Variants in ACVR1 observed in about 807,000 individuals in gnomAD.
ACVR1 encodes activin receptor type-1.
ACVR1 carries 38 observed loss-of-function variants against 57.1 expected under a neutral mutation model. That is an observed-to-expected ratio of 0.67 (90% CI 0.51 to 0.87). The LOEUF (loss-of-function observed/expected upper bound fraction) is 0.87. Among genes scored for constraint, ACVR1 ranks in the 40% least tolerant of loss-of-function variants. The probability of loss-of-function intolerance (pLI) is 0.00; values close to 1 mark genes in which losing one functional copy is unlikely to be tolerated. For synonymous variants in ACVR1, 212 were observed against 228.1 expected, an observed-to-expected ratio of 0.93 and a Z score of 0.63; for missense variants, 463 against 638.2, an observed-to-expected ratio of 0.73 and a Z score of 2.96.
chr2:157,749,078 T>G (rs1487458453), intron 9 of ACVR1, among the ~76,000 whole-genome samples: 1 of 152,248 alleles, frequency 6.6e-6, no homozygotes, highest in Non-Finnish European at 1.5e-5. Flanking sequence ...TTCAGACACA[T>G]GCTCTGTGAA....
intron 1 of ACVR1, among the ~76,000 whole-genome samples, chr2:157,855,319 TATATAC>T (rs1689487491): frequency 1.0e-5 from 1 of 99,152 alleles, no homozygotes; most frequent in Non-Finnish European, 2.0e-5. Context: ...TATATATATA[TATATAC>T]ACACACACAC....
chr2:157,794,989 T>G (rs1174881979), intron 3 of ACVR1, among the ~76,000 whole-genome samples: 2 of 152,074 alleles, frequency 1.3e-5, no homozygotes, highest in South Asian at 4.1e-4. Context: ...AAAGTTTTTT[T>G]TTTTTAAATA....
At chr2:157,745,775 A>G (rs1444402623) in intron 9 of ACVR1, among the ~76,000 whole-genome samples, 9 of 152,214 alleles carry the variant, frequency 5.9e-5, no homozygotes, top group Admixed American at 5.9e-4. Flanking sequence ...AACGTCATGA[A>G]ACATGTTGGA....
At chr2:157,804,086 T>G (rs760527306) in intron 2 of ACVR1, among the ~76,000 whole-genome samples, 4 of 152,130 alleles carry the variant, frequency 2.6e-5, no homozygotes, top group Admixed American at 6.5e-5. Flanking sequence ...ATATAGAAAA[T>G]CCAGTATCAC....
intron 3 of ACVR1, 104 bp from the exon 4 acceptor site, chr2:157,780,704 GAA>G: frequency 7.2e-7 from 1 of 1,398,288 alleles, no homozygotes; most frequent in Non-Finnish European, 9.7e-7. Flanking sequence ...TCTATCAACA[GAA>G]AGTCAAGCTA....
intron 1 of ACVR1, among the ~76,000 whole-genome samples, chr2:157,854,033 T>G (rs1448633639): frequency 6.6e-6 from 1 of 152,210 alleles, no homozygotes; most frequent in Non-Finnish European, 1.5e-5. Flanking sequence ...CTGTAATCAC[T>G]GATTTACGTG....
intron 3 of ACVR1, among the ~76,000 whole-genome samples, chr2:157,791,106 G>A (rs1686892830): frequency 6.6e-6 from 1 of 152,138 alleles, no homozygotes; most frequent in Non-Finnish European, 1.5e-5. Context: ...CCCAAACCCA[G>A]CTCCATGTGG....
chr2:157,840,670 C>T (rs116069638), intron 1 of ACVR1, among the ~76,000 whole-genome samples: 1,634 of 152,302 alleles, frequency 0.011, 28 homozygotes, highest in African/African-American at 0.037. Flanking sequence ...CTCTGGTTAG[C>T]GAGTGGTCCA....
intron 4 of ACVR1, among the ~76,000 whole-genome samples, chr2:157,779,044 CA>C (rs1686405925): frequency 6.6e-6 from 1 of 152,186 alleles, no homozygotes; most frequent in Non-Finnish European, 1.5e-5. Context: ...AACAGCTTGG[CA>C]TACATCATAC....
intron 3 of ACVR1, among the ~76,000 whole-genome samples, chr2:157,784,078 C>T (rs180914806): frequency 6.2e-4 from 95 of 152,254 alleles, no homozygotes; most frequent in African/African-American, 1.8e-3. Flanking sequence ...TCTTAATATC[C>T]ACAATTCTAA....
chr2:157,872,610 A>G (rs761161773), intron 1 of ACVR1, among the ~76,000 whole-genome samples: 3 of 152,154 alleles, frequency 2.0e-5, no homozygotes, highest in Non-Finnish European at 4.4e-5. Context: ...ATAACAAACA[A>G]TGAGCTTGCT....
At chr2:157,761,543 G>T (rs1197155775) in intron 8 of ACVR1, among the ~76,000 whole-genome samples, 1 of 152,230 alleles carries the variant, frequency 6.6e-6, no homozygotes, top group Non-Finnish European at 1.5e-5. Context: ...ATAAAGGGCA[G>T]ATTGCTATAA....
At chr2:157,755,534 A>ACCG (rs1685390789) in intron 9 of ACVR1, among the ~76,000 whole-genome samples, 1 of 71,292 alleles carries the variant, frequency 1.4e-5, no homozygotes, top group African/African-American at 9.4e-5. Context: ...ATACCATACC[A>ACCG]TACCATACCA....
chr2:157,757,021 G>GATATATATATATATATATATATTTGATAT (rs1559039261), intron 9 of ACVR1, among the ~76,000 whole-genome samples: 16 of 106,408 alleles, frequency 1.5e-4, no homozygotes, highest in African/African-American at 7.9e-4. Context: ...ATATATATTT[G>GATATATATATATATATATATATTTGATAT]ATATATATAT....
chr2:157,775,621 G>A (rs891831332), intron 5 of ACVR1, among the ~76,000 whole-genome samples: 1 of 152,034 alleles, frequency 6.6e-6, no homozygotes, highest in Admixed American at 6.6e-5. Flanking sequence ...ACCACAAAAG[G>A]GATAATCAAC....
chr2:157,828,151 C>CA (rs945427968), intron 1 of ACVR1, among the ~76,000 whole-genome samples: 5 of 151,864 alleles, frequency 3.3e-5, no homozygotes, highest in African/African-American at 7.2e-5. Context: ...CTCGTCTCTA[C>CA]AAAAAAATAC....
chr2:157,847,381 C>A (rs899282678), intron 1 of ACVR1, among the ~76,000 whole-genome samples: 1 of 151,666 alleles, frequency 6.6e-6, no homozygotes, highest in African/African-American at 2.4e-5. Context: ...TTGATAATAT[C>A]AAAAAAAGCT....
chr2:157,830,034 C>A (rs1688526967), intron 1 of ACVR1, among the ~76,000 whole-genome samples: 1 of 152,138 alleles, frequency 6.6e-6, no homozygotes, highest in Non-Finnish European at 1.5e-5. Context: ...GCCTGGCCAA[C>A]ATGGTGAAAT....
chr2:157,774,681 T>C (rs1411323770), intron 5 of ACVR1, among the ~76,000 whole-genome samples: 1 of 152,200 alleles, frequency 6.6e-6, no homozygotes, highest in Non-Finnish European at 1.5e-5. Flanking sequence ...GTTTTATTTC[T>C]TCGGAATACT....
Sources: gnomAD v4.1 joint callset for allele counts (sites outside exome capture counted in the v4.1 genomes callset) on GRCh38, gnomAD v4.1.1 for gene constraint, MANE v1.5 for transcripts, NCBI Gene and HGNC (gene_info 2026-07-23, HGNC 2026-07-21) for gene names.